The following TRHDE variants were observed in gnomAD, a reference collection of about 807,000 sequenced individuals.
TRHDE encodes thyrotropin-releasing hormone-degrading ectoenzyme.
In TRHDE, 72 loss-of-function variants were observed where a neutral mutation model predicts 125.7. The observed-to-expected ratio is 0.57, with a 90% CI of 0.47 to 0.70. The LOEUF (loss-of-function observed/expected upper bound fraction) is 0.70. Among genes scored for constraint, TRHDE ranks in the 30% least tolerant of loss-of-function variants. The pLI, the probability that TRHDE is intolerant of heterozygous loss-of-function variation, is 0.00. For synonymous variants in TRHDE, 509 were observed against 509.1 expected (o/e 1.00, Z 0.00); for missense variants, 1,110 against 1,327.1 (o/e 0.84, Z 2.54).
At chr12:72,618,759 T>A (rs1399266168) in intron 12 of TRHDE, 132 bp from the exon 13 acceptor site, 2 of 658,014 alleles carry the variant, frequency 3.0e-6, no homozygotes, top group Non-Finnish European at 4.7e-6. Flanking sequence ...TAAAAGTGAG[T>A]AATTTTATTC....
intron 2 of TRHDE, among the ~76,000 whole-genome samples, chr12:72,155,511 A>T (rs1341567678): frequency 6.6e-6 from 1 of 151,762 alleles, no homozygotes; most frequent in Non-Finnish European, 1.5e-5. Flanking sequence ...TTTTTTCCCC[A>T]TCTTTGTGGT....
At chr12:72,266,851 CT>C (rs1057103733) in intron 2 of TRHDE, among the ~76,000 whole-genome samples, 8 of 152,128 alleles carry the variant, frequency 5.3e-5, no homozygotes, top group African/African-American at 1.9e-4. Flanking sequence ...TCTTTTTCAG[CT>C]TCAGTTTCTT....
chr12:72,561,038 T>A (rs527766202), intron 7 of TRHDE, among the ~76,000 whole-genome samples: 4 of 152,160 alleles, frequency 2.6e-5, no homozygotes, highest in Admixed American at 6.5e-5. Context: ...CAGGGTTATG[T>A]TTTTTAACAA....
intron 15 of TRHDE, among the ~76,000 whole-genome samples, chr12:72,649,835 C>T (rs1326361371): frequency 1.3e-5 from 2 of 151,896 alleles, no homozygotes; most frequent in African/African-American, 4.8e-5. Context: ...AATGAAATAT[C>T]ACCTCACACT....
chr12:72,249,444 C>T (rs1418475467), intron 2 of TRHDE, among the ~76,000 whole-genome samples: 3 of 152,094 alleles, frequency 2.0e-5, no homozygotes, highest in South Asian at 2.1e-4. Flanking sequence ...CCCAGTTACT[C>T]TGGAGACTGA....
chr12:72,266,091 G>A (rs1476706408), intron 2 of TRHDE, among the ~76,000 whole-genome samples: 1 of 151,904 alleles, frequency 6.6e-6, no homozygotes, highest in Non-Finnish European at 1.5e-5. Context: ...TCTGTAGTAA[G>A]CGAAGTTTTT....
At chr12:72,272,051 C>G, upstream of TRHDE, 1 of 457,446 alleles carries the variant, frequency 2.2e-6, no homozygotes, top group Non-Finnish European at 4.4e-6. This position sits in a 1 kb window ranked among gnomAD's most constrained non-coding sequence, Gnocchi z 6.7. Flanking sequence ...TCTCCCACCT[C>G]GGCCATCCTT....
intron 6 of TRHDE, among the ~76,000 whole-genome samples, chr12:72,519,256 C>T (rs1879048695): frequency 6.6e-6 from 1 of 152,190 alleles, no homozygotes; most frequent in Admixed American, 6.5e-5. Context: ...AACTTGGTTC[C>T]ATTCTCCCCG....
intron 2 of TRHDE, among the ~76,000 whole-genome samples, chr12:72,367,991 T>C (rs1871407872): frequency 6.6e-6 from 1 of 152,312 alleles, no homozygotes; most frequent in South Asian, 2.1e-4. Context: ...TTTAAGTCTT[T>C]AACAGGTGCA....
At chr12:72,562,073 C>T in intron 7 of TRHDE, 92 bp from the exon 8 acceptor site, 1 of 567,620 alleles carries the variant, frequency 1.8e-6, no homozygotes, top group Non-Finnish European at 3.2e-6. Context: ...TAATATAATT[C>T]CAACAAATGA....
chr12:72,124,493 T>A (rs1220153000), intron 2 of TRHDE, among the ~76,000 whole-genome samples: 1 of 152,136 alleles, frequency 6.6e-6, no homozygotes, highest in Non-Finnish European at 1.5e-5. Flanking sequence ...GTTTGTGGGA[T>A]AGAAGTAGTT....
At chr12:72,192,769 G>T (rs1324616780) in intron 2 of TRHDE, among the ~76,000 whole-genome samples, 1 of 152,060 alleles carries the variant, frequency 6.6e-6, no homozygotes, top group Non-Finnish European at 1.5e-5. Context: ...TAAAATGCTT[G>T]AGTGCTGTAT....
intron 7 of TRHDE, among the ~76,000 whole-genome samples, chr12:72,560,086 C>T (rs1695502447): frequency 6.6e-6 from 1 of 151,052 alleles, no homozygotes; most frequent in South Asian, 2.1e-4. Context: ...TTTCTTAATT[C>T]AAGCTGTAAG....
At chr12:72,452,983 T>C (rs1054351954) in intron 3 of TRHDE, among the ~76,000 whole-genome samples, 2 of 152,172 alleles carry the variant, frequency 1.3e-5, no homozygotes, top group African/African-American at 2.4e-5. Flanking sequence ...TATAGCAATG[T>C]GAGAACAGCC....
chr12:72,165,281 A>G (rs1231346743), intron 2 of TRHDE, among the ~76,000 whole-genome samples: 1 of 152,198 alleles, frequency 6.6e-6, no homozygotes, highest in Non-Finnish European at 1.5e-5. Context: ...CAGTTCACCA[A>G]TGATCCTTGA....
chr12:72,229,810 G>A (rs1424670839), intron 2 of TRHDE, among the ~76,000 whole-genome samples: 1 of 152,000 alleles, frequency 6.6e-6, no homozygotes, highest in African/African-American at 2.4e-5. Context: ...AGAGGGAAGT[G>A]GAAAACTCCC....
intron 2 of TRHDE, among the ~76,000 whole-genome samples, chr12:72,242,961 G>C (rs1386684427): frequency 3.9e-5 from 6 of 152,112 alleles, no homozygotes; most frequent in African/African-American, 1.4e-4. Context: ...AATCCTATTG[G>C]GAGCAGTCTC....
chr12:72,122,923 C>CA (rs1875626069), intron 2 of TRHDE, among the ~76,000 whole-genome samples: 3 of 151,720 alleles, frequency 2.0e-5, no homozygotes, highest in Admixed American at 6.6e-5. Context: ...ACGATGAAGA[C>CA]AAAAAAAGTG....
intron 2 of TRHDE, among the ~76,000 whole-genome samples, chr12:72,222,058 G>A (rs1277636179): frequency 6.6e-6 from 1 of 152,032 alleles, no homozygotes; most frequent in African/African-American, 2.4e-5. Flanking sequence ...GTGGTCGAAG[G>A]CTTCAGGAGC....
Sources: gnomAD v4.1 joint callset for allele counts (sites outside exome capture counted in the v4.1 genomes callset) on GRCh38, gnomAD v4.1.1 for gene constraint, Gnocchi (gnomAD v3.1) non-coding constraint, MANE v1.5 for transcripts, NCBI Gene and HGNC (gene_info 2026-07-23, HGNC 2026-07-21) for gene names.